The following ERC1 variants were observed in gnomAD, a reference collection of about 807,000 sequenced individuals.
The protein encoded by ERC1 is ELKS/RAB6-interacting/CAST family member 1.
A neutral mutation model predicts 132.0 loss-of-function variants in ERC1; 56 were observed. The ratio of observed to expected loss-of-function variants is 0.42; its 90% CI spans 0.34 to 0.53. ERC1 has a LOEUF of 0.53. ERC1 is among the 20% of genes least tolerant of loss of function. The probability of loss-of-function intolerance (pLI) is 0.03; values close to 1 mark genes in which losing one functional copy is unlikely to be tolerated. For synonymous variants in ERC1, 478 were observed against 476.1 expected (o/e 1.00, Z -0.05); for missense variants, 1,202 against 1,349.9 (o/e 0.89, Z 1.72).
chr12:1,055,910 C>T (rs566400694), intron 2 of ERC1, among the ~76,000 whole-genome samples: 1 of 152,012 alleles, frequency 6.6e-6, no homozygotes, highest in Non-Finnish European at 1.5e-5. Context: ...TTTGGGAGGC[C>T]CATGGCGGGA....
At chr12:1,401,029 G>A (rs547900596) in intron 16 of ERC1, among the ~76,000 whole-genome samples, 22 of 137,750 alleles carry the variant, frequency 1.6e-4, no homozygotes, top group Admixed American at 6.5e-4. Flanking sequence ...TCCACCTCCC[G>A]GGTTCACGCC....
At chr12:1,211,362 T>A in intron 12 of ERC1, among the ~76,000 whole-genome samples, 1 of 152,112 alleles carries the variant, frequency 6.6e-6, no homozygotes. Flanking sequence ...TTGGTCAGGC[T>A]GGTCTCGAAT....
intron 11 of ERC1, among the ~76,000 whole-genome samples, chr12:1,184,091 G>A (rs1013630582): frequency 6.7e-6 from 1 of 148,966 alleles, no homozygotes; most frequent in Non-Finnish European, 1.5e-5. Context: ...AGCCAAGATC[G>A]TGCCACTGCA....
At chr12:1,405,391 A>G (rs139945426) in intron 16 of ERC1, among the ~76,000 whole-genome samples, 16 of 152,096 alleles carry the variant, frequency 1.1e-4, no homozygotes, top group Admixed American at 2.6e-4. Context: ...AATCTTCAAC[A>G]GTATGGGACT....
intron 12 of ERC1, among the ~76,000 whole-genome samples, chr12:1,200,473 G>C (rs1215716281): frequency 6.6e-6 from 1 of 152,018 alleles, no homozygotes; most frequent in African/African-American, 2.4e-5. Context: ...TCCTGTGACT[G>C]TACATTAGAG....
At chr12:1,304,819 T>C (rs1299001401) in intron 15 of ERC1, among the ~76,000 whole-genome samples, 3 of 126,534 alleles carry the variant, frequency 2.4e-5, no homozygotes, top group Non-Finnish European at 4.9e-5. Context: ...AGACGGAGTC[T>C]CGCTCTGCTG....
intron 15 of ERC1, among the ~76,000 whole-genome samples, chr12:1,345,502 A>G (rs752236196): frequency 1.3e-5 from 2 of 152,136 alleles, no homozygotes; most frequent in Non-Finnish European, 2.9e-5. Flanking sequence ...CTTTACTATA[A>G]AGGAGAATTC....
chr12:1,119,697 T>A (rs1021220113), intron 7 of ERC1, among the ~76,000 whole-genome samples: 1 of 152,046 alleles, frequency 6.6e-6, no homozygotes, highest in African/African-American at 2.4e-5. Flanking sequence ...ATTATAGGCA[T>A]GTGCCACCAC....
chr12:1,358,522 C>T (rs2085762287), intron 15 of ERC1, among the ~76,000 whole-genome samples: 3 of 152,162 alleles, frequency 2.0e-5, no homozygotes, highest in South Asian at 2.1e-4. Context: ...TAAATCAGCT[C>T]GTCTTCCTCT....
intron 8 of ERC1, among the ~76,000 whole-genome samples, chr12:1,176,478 A>C (rs1953732299): frequency 6.6e-6 from 1 of 152,190 alleles, no homozygotes; most frequent in African/African-American, 2.4e-5. Context: ...TCAGAATGAT[A>C]AATGAACACT....
At chr12:1,022,703 T>C (rs1966560602) in intron 1 of ERC1, among the ~76,000 whole-genome samples, 1 of 152,170 alleles carries the variant, frequency 6.6e-6, no homozygotes, top group Non-Finnish European at 1.5e-5. Flanking sequence ...TCTTGCTCTG[T>C]CACCCAGGCT....
chr12:1,333,714 A>G (rs2083077052), intron 15 of ERC1, among the ~76,000 whole-genome samples: 1 of 152,210 alleles, frequency 6.6e-6, no homozygotes, highest in Non-Finnish European at 1.5e-5. Flanking sequence ...CAGTGAACAT[A>G]CACGTGCATG....
chr12:1,377,434 A>G (rs1282147993), intron 16 of ERC1, among the ~76,000 whole-genome samples: 1 of 152,206 alleles, frequency 6.6e-6, no homozygotes, highest in African/African-American at 2.4e-5. Context: ...ACATGCTTTC[A>G]CACTTCCCCA....
chr12:1,364,256 A>G (rs964054152), intron 15 of ERC1, among the ~76,000 whole-genome samples: 1 of 152,244 alleles, frequency 6.6e-6, no homozygotes, highest in Admixed American at 6.5e-5. Flanking sequence ...CATCTCTAGC[A>G]GTAGCATCCT....
chr12:1,449,233 A>T (rs2093371777), intron 18 of ERC1, among the ~76,000 whole-genome samples: 1 of 152,144 alleles, frequency 6.6e-6, no homozygotes, highest in Non-Finnish European at 1.5e-5. Context: ...GCCTCGCCTT[A>T]TATGAGACTT....
At chr12:999,903 G>A (rs1426018397) in intron 1 of ERC1, among the ~76,000 whole-genome samples, 1 of 152,120 alleles carries the variant, frequency 6.6e-6, no homozygotes, top group Non-Finnish European at 1.5e-5. Context: ...CCCGCTAGGT[G>A]ATTTTTAAGA....
intron 8 of ERC1, among the ~76,000 whole-genome samples, chr12:1,172,861 GCTTC>G (rs1953232642): frequency 6.6e-6 from 1 of 152,150 alleles, no homozygotes; most frequent in Non-Finnish European, 1.5e-5. Context: ...AAATAAACTA[GCTTC>G]CTTTAACCTT....
chr12:1,272,434 C>G (rs946637870), intron 14 of ERC1, among the ~76,000 whole-genome samples: 5 of 152,186 alleles, frequency 3.3e-5, no homozygotes, highest in Admixed American at 3.3e-4. Context: ...AGTGTTAATA[C>G]TGTGACTCAA....
At chr12:1,390,634 TC>T (rs2089877065) in intron 16 of ERC1, 1 of 152,196 alleles carries the variant, frequency 6.6e-6, no homozygotes, top group African/African-American at 2.4e-5. Flanking sequence ...TCAGTTCATC[TC>T]CCGGAGGTGG....
Sources: allele counts gnomAD v4.1 joint callset (sites outside exome capture counted in the v4.1 genomes callset), GRCh38; gene constraint gnomAD v4.1.1; transcripts MANE v1.5; gene names NCBI Gene and HGNC (gene_info 2026-07-23, HGNC 2026-07-21).